Variants in ARIH1 observed in about 807,000 individuals in gnomAD.
ARIH1 encodes ariadne RBR E3 ubiquitin protein ligase 1.
Under a neutral mutation model 85.0 loss-of-function variants are expected in ARIH1, and 8 were observed. The observed-to-expected ratio is 0.09, with a 90% confidence interval of 0.06 to 0.17. The LOEUF (loss-of-function observed/expected upper bound fraction) is 0.17, where lower values mean the gene tolerates loss of function less well. Ranked by LOEUF, ARIH1 falls within the 10% of genes least tolerant of loss-of-function variation. The pLI is 1.00. For synonymous variants in ARIH1, 238 were observed against 253.6 expected (o/e 0.94, Z 0.59); for missense variants, 311 against 718.1 (o/e 0.43, Z 6.48).
chr15:72,476,578 T>C (rs2063795895), intron 1 of ARIH1, among the ~76,000 whole-genome samples: 1 of 151,936 alleles, frequency 6.6e-6, no homozygotes, highest in Non-Finnish European at 1.5e-5. Flanking sequence ...CTGGCCAGGC[T>C]GGTTTCGAAC....
At chr15:72,504,941 A>G (rs1198095028) in intron 1 of ARIH1, among the ~76,000 whole-genome samples, 1 of 152,248 alleles carries the variant, frequency 6.6e-6, no homozygotes, top group Non-Finnish European at 1.5e-5. Flanking sequence ...CTATACCTTT[A>G]AAGGGAAGAA....
chr15:72,479,862 C>T (rs1212751804), intron 1 of ARIH1, among the ~76,000 whole-genome samples: 1 of 151,406 alleles, frequency 6.6e-6, no homozygotes, highest in East Asian at 1.9e-4. Flanking sequence ...AGACAGTGTA[C>T]TATTCTTTTT....
chr15:72,491,495 C>T (rs528396943), intron 1 of ARIH1, among the ~76,000 whole-genome samples: 29 of 152,124 alleles, frequency 1.9e-4, no homozygotes, highest in African/African-American at 5.8e-4. Flanking sequence ...TTGGTATTCA[C>T]GTTGTACCCA....
At chr15:72,517,870 ATAG>A (rs1176688118) in intron 1 of ARIH1, among the ~76,000 whole-genome samples, 194 bp from the exon 2 acceptor site, 5 of 152,136 alleles carry the variant, frequency 3.3e-5, no homozygotes, top group African/African-American at 1.2e-4. Flanking sequence ...GAAACCTGAC[ATAG>A]TAGTGTGGCA....
chr15:72,511,218 T>C (rs1050567016), intron 1 of ARIH1, among the ~76,000 whole-genome samples: 2 of 152,236 alleles, frequency 1.3e-5, no homozygotes, highest in African/African-American at 4.8e-5. Flanking sequence ...ATTTCACGTT[T>C]TGGTGCTATT....
At chr15:72,566,293 T>G (rs2064220582) in intron 7 of ARIH1, 1 of 417,816 alleles carries the variant, frequency 2.4e-6, no homozygotes, top group South Asian at 4.2e-5. Context: ...CTGAGGCACC[T>G]TAGCAACAAT....
intron 1 of ARIH1, among the ~76,000 whole-genome samples, chr15:72,484,715 ATATG>A (rs771518480): frequency 5.3e-5 from 8 of 150,818 alleles, no homozygotes; most frequent in East Asian, 1.9e-4. Context: ...GTATATACGT[ATATG>A]TATGTGTGTG....
At chr15:72,485,526 A>T (rs902169072) in intron 1 of ARIH1, among the ~76,000 whole-genome samples, 2 of 147,398 alleles carry the variant, frequency 1.4e-5, no homozygotes, top group Non-Finnish European at 3.0e-5. Context: ...TTGCCTATTG[A>T]TTTTTTTTTT....
At position 72,474,891 on chromosome 15, in the gene ARIH1, CGGCGGT is replaced by C. The variant is rs759602250; in HGVS notation, c.255_260del (p.Gly89_Gly90del). 1 of 1,429,462 alleles carries C rather than the reference CGGCGGT, an allele frequency of 7.0e-7. No homozygotes were observed. Among genetic ancestry groups the C allele is most frequent in the Non-Finnish European group, 9.2e-7 (1 of 1,085,698 alleles). The allele number at this position is 1,429,462 out of a possible 1,614,324, so 88.5% of individuals were successfully genotyped here. ...CCGGCGGTGGCGGCGGCGGCGGCGG[CGGCGGT>C]GGTGGTGGCGGGCCGGGGCATGAGC... On this transcript the variant is annotated inframe_deletion, in exon 1 of 14. Coordinates refer to ENST00000379887, the MANE Select transcript of ARIH1 (RefSeq NM_005744.5).
chr15:72,519,723 A>T (rs2063991277), intron 2 of ARIH1, among the ~76,000 whole-genome samples: 1 of 151,924 alleles, frequency 6.6e-6, no homozygotes, highest in Non-Finnish European at 1.5e-5. Context: ...ACCTCAGGTG[A>T]TCTGCCCGCC....
intron 2 of ARIH1, among the ~76,000 whole-genome samples, chr15:72,539,086 C>A (rs948116290): frequency 6.6e-6 from 1 of 152,174 alleles, no homozygotes; most frequent in African/African-American, 2.4e-5. Context: ...AGCTTTGCAG[C>A]TCTTTCAAGT....
intron 1 of ARIH1, among the ~76,000 whole-genome samples, chr15:72,504,136 C>T (rs2063914772): frequency 6.6e-6 from 1 of 152,212 alleles, no homozygotes; most frequent in African/African-American, 2.4e-5. Flanking sequence ...CTCACTGCAA[C>T]CTCTGCCTCC....
intron 11 of ARIH1, among the ~76,000 whole-genome samples, chr15:72,574,069 G>A (rs751792023): frequency 6.6e-6 from 1 of 151,716 alleles, no homozygotes; most frequent in Non-Finnish European, 1.5e-5. Context: ...TATTTATTTA[G>A]CCAGATATGC....
intron 3 of ARIH1, among the ~76,000 whole-genome samples, chr15:72,554,962 C>G (rs555612490): frequency 2.3e-4 from 35 of 151,994 alleles, no homozygotes; most frequent in Non-Finnish European, 4.4e-4. Context: ...CATGTTGCCC[C>G]GCCTTCATGG....
Position 72,490,886 on chromosome 15 carries a change from G to C in ARIH1, c.375+15872G>C, listed in dbSNP as rs146232105. ...TAATCCCTGCACTTTGGGAGGCCGA[G>C]GTGGGCAGATCATGAGGTCAGGAGT... On this transcript the variant is annotated intron_variant, in intron 1 of 13. Coordinates refer to ENST00000379887, the MANE Select transcript of ARIH1 (RefSeq NM_005744.5). Among the ~76,000 whole-genome samples, 851 of 152,258 alleles carry C rather than the reference G, an allele frequency of 5.6e-3. 2 individuals are homozygous for C. Among genetic ancestry groups the C allele is most frequent in the Middle Eastern group, 0.024 (7 of 294 alleles).
At position 72,582,596 on chromosome 15, in the gene ARIH1, TA is replaced by T. The variant is rs1013349794; in HGVS notation, c.1589+410del. On this transcript the variant is annotated intron_variant, in intron 13 of 13. Transcript: ENST00000379887. The surrounding 1 kb of genome is among the most constrained non-coding windows in gnomAD (Gnocchi z 4.6). The stretch of plus-strand genomic sequence containing the variant: ...AGAGTTTTTATTACATATATATATA[TA>T]TATTTTTTTAATCTAAGGAGATACT... Among the ~76,000 whole-genome samples the T allele has an allele frequency of 1.9e-4, 28 of 150,414 alleles. No individual in the cohort carries two copies. Among genetic ancestry groups the T allele is most frequent in the Middle Eastern group, 6.8e-3 (2 of 294 alleles).
At chr15:72,561,347 A>G (rs1254538091) in intron 5 of ARIH1, 136 bp from the exon 6 acceptor site, 12 of 648,590 alleles carry the variant, frequency 1.9e-5, no homozygotes, top group South Asian at 1.4e-4. Flanking sequence ...TTGATAGCCT[A>G]TGTGCATTTC....
intron 3 of ARIH1, among the ~76,000 whole-genome samples, chr15:72,552,773 G>A (rs767706139): frequency 2.7e-5 from 4 of 149,490 alleles, no homozygotes; most frequent in African/African-American, 5.0e-5. Flanking sequence ...AATGAGGGAG[G>A]CCTGTTTTTT....
intron 3 of ARIH1, among the ~76,000 whole-genome samples, chr15:72,553,944 T>C (rs1177123732): frequency 1.3e-5 from 2 of 152,164 alleles, no homozygotes; most frequent in East Asian, 3.9e-4. Flanking sequence ...TATGTGATCT[T>C]TTATGACTGG....
Sources: gnomAD v4.1 joint callset for allele counts (sites outside exome capture counted in the v4.1 genomes callset) on GRCh38, gnomAD v4.1.1 for gene constraint, Gnocchi (gnomAD v3.1) non-coding constraint, MANE v1.5 for transcripts, NCBI Gene and HGNC (gene_info 2026-07-23, HGNC 2026-07-21) for gene names.